Variants in ARFGAP1 observed in about 807,000 individuals in gnomAD.
ARFGAP1 encodes ADP-ribosylation factor GTPase-activating protein 1.
In ARFGAP1, 26 loss-of-function variants were observed where a neutral mutation model predicts 54.0. The ratio of observed to expected loss-of-function variants is 0.48; its 90% CI spans 0.35 to 0.67. The LOEUF (loss-of-function observed/expected upper bound fraction) is 0.67, where lower values mean the gene tolerates loss of function less well. Among genes scored for constraint, ARFGAP1 ranks in the 30% least tolerant of loss-of-function variants. The pLI, the probability that ARFGAP1 is intolerant of heterozygous loss-of-function variation, is 0.00. For synonymous variants in ARFGAP1, 248 were observed against 211.9 expected (o/e 1.17, Z -1.48); for missense variants, 525 against 535.8 (o/e 0.98, Z 0.20).
chr20:63,277,998 C>T (rs927625113), intron 5 of ARFGAP1, 119 bp from the exon 6 acceptor site: 3 of 847,488 alleles, frequency 3.5e-6, no homozygotes, highest in African/African-American at 3.4e-5. Context: ...GCCTCAGGTG[C>T]TCTCAGGGGT....
chr20:63,276,298 C>T lies in ARFGAP1; in HGVS notation c.170+98C>T. 6.9e-7 allele frequency: 1 copy of T among 1,447,210 alleles called. No homozygotes were observed. The highest frequency in any genetic ancestry group is 9.6e-7 in the Non-Finnish European group (1 of 1,041,516). The allele number at this position is 1,447,210 out of a possible 1,614,324, so 89.6% of individuals were successfully genotyped here. On this transcript the variant is annotated intron_variant, in intron 3 of 12. Transcript: ENST00000370283. This position sits in a 1 kb window ranked among gnomAD's most constrained non-coding sequence, Gnocchi z 5.2. ...GCTGACGCCAGGGAAGCTTGGGGGC[C>T]ACCTCCCATTGCATTGCCAGTGTCC... is the stretch of plus-strand genomic sequence containing the variant.
chr20:63,286,493 ACTC>A (rs768324796), intron 12 of ARFGAP1, 51 bp downstream of exon 12: 6 of 1,550,448 alleles, frequency 3.9e-6, no homozygotes, highest in South Asian at 1.1e-5. Flanking sequence ...TGCCTTGGCC[ACTC>A]CTCCTACAGG....
chr20:63,284,768 T>C, intron 9 of ARFGAP1, 98 bp from the exon 10 acceptor site: 1 of 1,555,210 alleles, frequency 6.4e-7, no homozygotes, highest in Non-Finnish European at 8.7e-7. Context: ...CTCCTGCTGG[T>C]GAAGCTCGTG....
In ARFGAP1 at chr20:63,276,615, G is replaced by A. The variant is rs747812610; in HGVS notation, c.306G>A (p.Lys102=). The change falls in exon 4 of 13, where the codon AAG becomes AAA. Residue 102 remains lysine, a synonymous_variant. Coordinates refer to ENST00000370283, the MANE Select transcript of ARFGAP1 (RefSeq NM_018209.4). The surrounding 1 kb of genome is among the most constrained non-coding windows in gnomAD (Gnocchi z 5.2). ...ATCCTTGCTGGTCCTTGCAGGAGAA[G>A]TACAACAGCAGAGCCGCGGCCCTCT... The part of the protein sequence containing the change: ...DYDPCWSLQE[K]YNSRAAALFR... The A allele has an allele frequency of 3.1e-6, 5 of 1,613,612 alleles. No homozygotes were observed. Among genetic ancestry groups the A allele is most frequent in the East Asian group, 4.5e-5 (2 of 44,876 alleles).
At chr20:63,273,611 C>G (rs967907781) in intron 1 of ARFGAP1, 1 of 152,186 alleles carries the variant, frequency 6.6e-6, no homozygotes, top group Non-Finnish European at 1.5e-5. Flanking sequence ...CTCTTAAATC[C>G]AAGCCAAGTC....
At position 63,285,409 on chromosome 20, in the gene ARFGAP1, C is replaced by T. The variant is rs1340370038; in HGVS notation, c.775-245C>T. ...GGCAGCGTGGGCTGTCCTTAGGTCA[C>T]GTTGCTATTTGTCAGCAGTGGCCGG... On this transcript the variant is annotated intron_variant, in intron 10 of 12. Transcript: ENST00000370283. The T allele has an allele frequency of 4.1e-5, 24 of 580,114 alleles. No individual in the cohort carries two copies. The East Asian group carries it at 5.2e-4, about 13-fold the overall frequency. The allele number at this position is 580,114 out of a possible 1,614,324, so 35.9% of individuals were successfully genotyped here. A position where few individuals can be genotyped will look rare whatever the true frequency, so the allele number is the denominator to read the frequency against.
chr20:63,287,717 C>T lies in ARFGAP1; in HGVS notation c.1065C>T (p.Ser355=). The stretch of plus-strand genomic sequence containing the variant: ...ACAGCTGGACGTGCGCGGACACCTC[C>T]ACCGAGAGGAGGAGCTCGGACAGCT... ...SSDSWTCADT[S]TERRSSDSWE... Residue 355 remains serine, a synonymous_variant, in exon 13 of 13, where the codon TCC becomes TCT. Coordinates refer to ENST00000370283, the MANE Select transcript of ARFGAP1 (RefSeq NM_018209.4). The T allele has an allele frequency of 1.2e-6, 2 of 1,611,932 alleles. No homozygotes were observed. Among genetic ancestry groups the T allele is most frequent in the Non-Finnish European group, 1.7e-6 (2 of 1,179,698 alleles).
intron 5 of ARFGAP1, among the ~76,000 whole-genome samples, chr20:63,277,529 C>T (rs1455097203): frequency 6.6e-6 from 1 of 152,248 alleles, no homozygotes; most frequent in Non-Finnish European, 1.5e-5. Flanking sequence ...GCTCCGCACG[C>T]CTTCCAGGTG....
chr20:63,285,873 G>T, intron 11 of ARFGAP1, 160 bp downstream of exon 11: 1 of 1,423,266 alleles, frequency 7.0e-7, no homozygotes, highest in Non-Finnish European at 9.5e-7. Context: ...CTGACAGCCC[G>T]AGGGATATGG....
rs750892131 is a variant in ARFGAP1 at position 63,287,898 on chromosome 20, C to T, written c.*25C>T. The T allele has an allele frequency of 6.1e-6, 9 of 1,477,064 alleles. No homozygotes were observed. In the South Asian group the frequency reaches 6.5e-5, roughly 11 times the overall value. 91.5% of individuals were successfully genotyped at this position (1,477,064 alleles called of 1,614,324 possible). On this transcript the variant is annotated 3_prime_UTR_variant, in exon 13 of 13. Coordinates refer to ENST00000370283, the MANE Select transcript of ARFGAP1 (RefSeq NM_018209.4). ...GGGCCCACTGCGCCCCCGTCCCCAG[C>T]GCCCCCGGGCGACTTCGTGTTTGCA... is the stretch of plus-strand genomic sequence containing the variant.
chr20:63,285,752 A>C, intron 11 of ARFGAP1, 39 bp downstream of exon 11: 2 of 1,604,652 alleles, frequency 1.2e-6, no homozygotes, highest in Non-Finnish European at 1.7e-6. Flanking sequence ...AGTCGAAGCC[A>C]GTCTCCATAT....
chr20:63,283,703 C>T (rs1430823861), intron 9 of ARFGAP1: 18 of 777,636 alleles, frequency 2.3e-5, no homozygotes, highest in South Asian at 8.8e-5. Flanking sequence ...GGGCAGGGAG[C>T]GGCTGCTCCA....
At chr20:63,273,672 A>G (rs981667002) in intron 1 of ARFGAP1, among the ~76,000 whole-genome samples, 1 of 152,108 alleles carries the variant, frequency 6.6e-6, no homozygotes, top group Non-Finnish European at 1.5e-5. Context: ...AGTATCCTGT[A>G]TGTTTTACAG....
At chr20:63,286,530 C>G (rs1319245727) in intron 12 of ARFGAP1, 88 bp downstream of exon 12, 3 of 1,353,740 alleles carry the variant, frequency 2.2e-6, no homozygotes, top group Non-Finnish European at 3.1e-6. Context: ...GGCTGGCATC[C>G]TTGCTGGGGA....
At chr20:63,274,314 C>T (rs866700953) in intron 1 of ARFGAP1, 1 of 39,496 alleles carries the variant, frequency 2.5e-5, no homozygotes, top group Non-Finnish European at 1.2e-4. Context: ...AGTTGGGACC[C>T]CCCCCCCCCC....
At chr20:63,283,027 T>G in intron 9 of ARFGAP1, 176 bp downstream of exon 9, 1 of 681,614 alleles carries the variant, frequency 1.5e-6, no homozygotes, top group Non-Finnish European at 2.5e-6. Flanking sequence ...CATGCCCGGG[T>G]GGCTGCCTCA....
chr20:63,273,938 A>G (rs2067166527), intron 1 of ARFGAP1: 1 of 152,208 alleles, frequency 6.6e-6, no homozygotes, highest in African/African-American at 2.4e-5. Context: ...TTGTAAGCTC[A>G]GTCCCGCTCC....
At chr20:63,283,583 C>A in intron 9 of ARFGAP1, 3 of 498,336 alleles carry the variant, frequency 6.0e-6, no homozygotes, top group South Asian at 6.0e-5. Context: ...GGGAGTCTCC[C>A]CACGTGCCCA....
intron 9 of ARFGAP1, chr20:63,283,217 G>A (rs1243121343): frequency 2.2e-5 from 8 of 361,862 alleles, no homozygotes; most frequent in Admixed American, 4.3e-5. Context: ...CTGTGCCTGC[G>A]GCACACTGGA....
Sources: allele counts gnomAD v4.1 joint callset (sites outside exome capture counted in the v4.1 genomes callset), GRCh38; gene constraint gnomAD v4.1.1; non-coding constraint Gnocchi (gnomAD v3.1); transcripts MANE v1.5; gene names NCBI Gene and HGNC (gene_info 2026-07-23, HGNC 2026-07-21).